Variants in KARS1 observed in about 807,000 individuals in gnomAD.
KARS1 encodes the protein lysine--tRNA ligase.
In KARS1, 50 loss-of-function variants were observed where a neutral mutation model predicts 63.9. The observed-to-expected ratio is 0.78, with a 90% CI of 0.62 to 0.99. KARS1 has a LOEUF of 0.99. Ranked by LOEUF, KARS1 falls within the 50% of genes least tolerant of loss-of-function variation. The pLI is 0.00. For missense variants in KARS1, 816 were observed against 754.5 expected, an observed-to-expected ratio of 1.08 and a Z score of -0.95; for synonymous variants, 320 against 264.6, an observed-to-expected ratio of 1.21 and a Z score of -2.03.
rs369415571 is a variant in KARS1, at chr16:75,640,863, C to A, written c.223-514G>T. Among the ~76,000 whole-genome samples the A allele has an allele frequency of 4.0e-4, 61 of 152,260 alleles. 1 individual carries two copies. In the South Asian group the frequency reaches 0.012, roughly 31 times the overall value. ...CAGGGGGAAAGCAGCCTCAGAAATACGTAAACAAATGAGCACAGCTGTGTT... is the reference window on the plus strand; with the variant it reads ...CAGGGGGAAAGCAGCCTCAGAAATAAGTAAACAAATGAGCACAGCTGTGTT... On this transcript the variant is annotated intron_variant, in intron 2 of 13. Transcript: ENST00000302445.
chr16:75,630,309 G>A, intron 11 of KARS1, 114 bp downstream of exon 11: 2 of 726,722 alleles, frequency 2.8e-6, no homozygotes, highest in Admixed American at 4.1e-5. Flanking sequence ...GGTTACCCTG[G>A]TCAACACCAC....
At chr16:75,639,406 T>C (rs1157181392) in intron 3 of KARS1, among the ~76,000 whole-genome samples, 2 of 151,552 alleles carry the variant, frequency 1.3e-5, no homozygotes, top group South Asian at 2.1e-4. Flanking sequence ...GCCCCATCTC[T>C]ACTAAAAATA....
chr16:75,633,599 C>T (rs1250424519), intron 7 of KARS1, among the ~76,000 whole-genome samples: 1 of 149,892 alleles, frequency 6.7e-6, no homozygotes, highest in Non-Finnish European at 1.5e-5. Context: ...CTCACTGCAA[C>T]CTCCGCCTCC....
In KARS1 at chr16:75,647,470, G is replaced by A. The variant is rs573036974; in HGVS notation, c.62+108C>T. The A allele has an allele frequency of 4.7e-5, 48 of 1,025,292 alleles. No individual in the cohort carries two copies. The East Asian group carries it at 1.1e-3, about 23-fold the overall frequency. The allele number at this position is 1,025,292 out of a possible 1,614,324, so 63.5% of individuals were successfully genotyped here. On this transcript the variant is annotated intron_variant, in intron 1 of 13. Coordinates refer to ENST00000302445, the MANE Select transcript of KARS1 (RefSeq NM_005548.3). The stretch of plus-strand genomic sequence containing the variant: ...CGTCTCAGCATGTGCGTACCCACGA[G>A]AGCCGGCAAGAAGGCCCCGGCACAG...
chr16:75,630,385 TG>T, intron 11 of KARS1, 37 bp downstream of exon 11: 1 of 1,246,150 alleles, frequency 8.0e-7, no homozygotes, highest in Non-Finnish European at 1.2e-6. Context: ...CACTAAGTTT[TG>T]GGGCTGTTAT....
intron 2 of KARS1, 150 bp from the exon 3 acceptor site, chr16:75,640,499 GGAGT>G: frequency 1.3e-6 from 1 of 746,272 alleles, no homozygotes; most frequent in Non-Finnish European, 2.3e-6. Context: ...GATTGAATAT[GGAGT>G]GAGATTTGCA....
chr16:75,646,414 G>A (rs1362814736), intron 1 of KARS1, among the ~76,000 whole-genome samples: 1 of 151,830 alleles, frequency 6.6e-6, no homozygotes, highest in African/African-American at 2.4e-5. Context: ...GGTGGCACAC[G>A]CCTGTAATCC....
At position 75,641,604 on chromosome 16, in the gene KARS1, T is replaced by G. The variant is rs1003754649; in HGVS notation, c.182A>C (p.Asp61Ala). 2.5e-6 allele frequency: 4 copies of G among 1,613,768 alleles called. No individual in the cohort carries two copies. Among genetic ancestry groups the G allele is most frequent in the Non-Finnish European group, 3.4e-6 (4 of 1,179,732 alleles). Residue 61 changes from aspartate (D) to alanine (A), a missense_variant, in exon 2 of 14, where the codon GAT (aspartate) becomes GCT (alanine). By Grantham distance (126) the Asp-to-Ala change is moderately radical. Coordinates refer to ENST00000302445, the MANE Select transcript of KARS1 (RefSeq NM_005548.3). ...CTCTTCCTCAGGACCCACACCATTA[T>G]CAGTGGTGTGGTTGGTGGCAGCAGC... ...ATAAATNHTT[D>A]NGVGPEEESV...
At chr16:75,644,499 C>T in intron 1 of KARS1, 1 of 1,489,426 alleles carries the variant, frequency 6.7e-7, no homozygotes, top group Non-Finnish European at 9.1e-7. Context: ...TCAGATGGGA[C>T]AGACAGTATA....
chr16:75,647,598 G>A lies in KARS1; in HGVS notation c.42C>T (p.Ser14=). 6.2e-7 allele frequency: 1 copy of A among 1,612,926 alleles called. No individual in the cohort carries two copies. Among genetic ancestry groups the A allele is most frequent in the Non-Finnish European group, 8.5e-7 (1 of 1,179,696 alleles). The change falls in exon 1 of 14, where the codon AGC becomes AGT. Residue 14 remains serine, a synonymous_variant. Transcript: ENST00000302445. ...VQAAEVKVDG[S]EPKLSKNELK... is the part of the protein sequence containing the mutation. The stretch of plus-strand genomic sequence containing the variant: ...CTCACTTCTTGCTCAGTTTCGGCTC[G>A]CTGCCATCCACTTTCACCTCGGCCG...
chr16:75,635,534 AC>A, intron 6 of KARS1, 145 bp downstream of exon 6: 1 of 930,482 alleles, frequency 1.1e-6, no homozygotes, highest in Non-Finnish European at 1.7e-6. Flanking sequence ...ACAAGGTAGA[AC>A]AGAGACGATG....
intron 1 of KARS1, among the ~76,000 whole-genome samples, chr16:75,646,536 T>C (rs1325339805): frequency 2.0e-5 from 3 of 148,306 alleles, no homozygotes; most frequent in South Asian, 2.1e-4. Flanking sequence ...CGAGACTCCA[T>C]CTTAAAAAAA....
chr16:75,636,135 T>G (rs2082159531), intron 4 of KARS1, 37 bp from the exon 5 acceptor site: 1 of 1,266,978 alleles, frequency 7.9e-7, no homozygotes, highest in African/African-American at 1.5e-5. Context: ...TAACAACAAT[T>G]CAAATGAACA....
In KARS1 at chr16:75,631,860, C is replaced by A; in HGVS notation, c.916-5G>T. 1 of 1,613,698 alleles carries A rather than the reference C, an allele frequency of 6.2e-7. No individual in the cohort carries two copies. The highest frequency in any genetic ancestry group is 8.5e-7 in the Non-Finnish European group (1 of 1,179,958). Reference sequence around the variant, plus strand: ...GATGCCACCAACCACAAGCATCTAACAACAACACATGGCCACGGTCATGAC... The same window carrying A: ...GATGCCACCAACCACAAGCATCTAAAAACAACACATGGCCACGGTCATGAC... On this transcript the variant is annotated splice_polypyrimidine_tract_variant and splice_region_variant and intron_variant, in intron 7 of 13. Coordinates refer to ENST00000302445, the MANE Select transcript of KARS1 (RefSeq NM_005548.3).
In KARS1 at chr16:75,633,200, G is replaced by C. The variant is rs139803873; in HGVS notation, c.915+973C>G. ...AAATGCCTGGAGTGAGAGCTGCTCAGGGTCGGCCGCAATGACAAATACACC... is the reference window on the plus strand; with the variant it reads ...AAATGCCTGGAGTGAGAGCTGCTCACGGTCGGCCGCAATGACAAATACACC... On this transcript the variant is annotated intron_variant, in intron 7 of 13. Coordinates refer to ENST00000302445, the MANE Select transcript of KARS1 (RefSeq NM_005548.3). 1.3e-3 allele frequency among the ~76,000 whole-genome samples: 193 copies of C among 152,322 alleles called. 1 individual carries two copies. The highest frequency in any genetic ancestry group is 4.5e-3 in the African/African-American group (189 of 41,566).
intron 11 of KARS1, 73 bp from the exon 12 acceptor site, chr16:75,629,614 T>C: frequency 6.5e-7 from 1 of 1,534,102 alleles, no homozygotes; most frequent in South Asian, 1.1e-5. Context: ...TTTTCTTTTT[T>C]TTTGAGACGG....
rs2082078189 is a variant in KARS1, at chr16:75,628,692, A to G, written c.1572T>C (p.Asp524=). The change falls in exon 13 of 14, where the codon GAT becomes GAC. Residue 524 remains aspartate, a synonymous_variant. Transcript: ENST00000302445. ...AGTTTTCATCTATGAACATGGCCTC[A>G]TCATCACCTGCAGCCTTGGCCTAGA... ...EQAKAKAAGD[D]EAMFIDENFC... 6.2e-7 allele frequency: 1 copy of G among 1,614,224 alleles called. No individual in the cohort carries two copies. Among genetic ancestry groups the G allele is most frequent in the Non-Finnish European group, 8.5e-7 (1 of 1,180,036 alleles).
At chr16:75,641,977 G>C (rs374219372) in intron 1 of KARS1, among the ~76,000 whole-genome samples, 126 of 152,110 alleles carry the variant, frequency 8.3e-4, no homozygotes, top group African/African-American at 2.8e-3. Flanking sequence ...GCCAGTCTCA[G>C]GTCCTTGGCA....
chr16:75,636,437 T>G lies in KARS1; in HGVS notation c.482+17A>C. On this transcript the variant is annotated intron_variant, in intron 4 of 13. Coordinates refer to ENST00000302445, the MANE Select transcript of KARS1 (RefSeq NM_005548.3). ...AGGCCAACCAAGAAAGGTCTATAAC[T>G]GGGTATTTCGAGATACCTGGAATTG... The G allele has an allele frequency of 2.6e-6, 4 of 1,518,440 alleles. No individual in the cohort carries two copies. Among genetic ancestry groups the G allele is most frequent in the Non-Finnish European group, 3.7e-6 (4 of 1,092,728 alleles). The allele number at this position is 1,518,440 out of a possible 1,614,324, so 94.1% of individuals were successfully genotyped here.
Sources: gnomAD v4.1 joint callset for allele counts (sites outside exome capture counted in the v4.1 genomes callset) on GRCh38, gnomAD v4.1.1 for gene constraint, MANE v1.5 for transcripts, NCBI Gene and HGNC (gene_info 2026-07-23, HGNC 2026-07-21) for gene names.